GADL1: variants seen among roughly 807,000 people sequenced by gnomAD.
The protein encoded by GADL1 is acidic amino acid decarboxylase GADL1.
Under a neutral mutation model 69.5 loss-of-function variants are expected in GADL1, and 71 were observed. The ratio of observed to expected loss-of-function variants is 1.02; its 90% CI spans 0.84 to 1.25. The LOEUF is 1.25. Among genes scored for constraint, GADL1 ranks in the 50% most tolerant of loss-of-function variants. The probability of loss-of-function intolerance (pLI) is 0.00; values close to 1 mark genes in which losing one functional copy is unlikely to be tolerated. For missense variants in GADL1, 737 were observed against 631.8 expected (o/e 1.17, Z -1.79); for synonymous variants, 254 against 214.4 (o/e 1.18, Z -1.62).
At chr3:30,754,048 T>C (rs989746643) in intron 14 of GADL1, among the ~76,000 whole-genome samples, 23 of 152,220 alleles carry the variant, frequency 1.5e-4, no homozygotes, top group Admixed American at 1.3e-3. Flanking sequence ...TTCTATATTT[T>C]CCACCTTCAA....
chr3:30,765,932 C>T (rs1485846136), intron 14 of GADL1, among the ~76,000 whole-genome samples: 9 of 142,044 alleles, frequency 6.3e-5, no homozygotes, highest in East Asian at 6.1e-4. Flanking sequence ...GCTTTATTAT[C>T]GTAACTGGCA....
chr3:30,761,447 G>A (rs2125485392), intron 14 of GADL1, among the ~76,000 whole-genome samples: 1 of 150,858 alleles, frequency 6.6e-6, no homozygotes, highest in South Asian at 2.1e-4. Context: ...CATTTTCGCA[G>A]TCAATTAACT....
At chr3:30,869,276 T>C (rs935201452) in intron 1 of GADL1, among the ~76,000 whole-genome samples, 17 of 151,954 alleles carry the variant, frequency 1.1e-4, no homozygotes, top group African/African-American at 3.9e-4. Flanking sequence ...GCCTCATAGA[T>C]TGTTTGCCAC....
At position 30,876,890 on chromosome 3, in the gene GADL1, T is replaced by C. The variant is rs150689953; in HGVS notation, c.38-15125A>G. Among the ~76,000 whole-genome samples the C allele has an allele frequency of 6.8e-4, 103 of 151,996 alleles. 1 individual carries two copies. Among genetic ancestry groups the C allele is most frequent in the African/African-American group, 2.4e-3 (99 of 41,530 alleles). On this transcript the variant is annotated intron_variant, in intron 1 of 14. Coordinates refer to ENST00000282538, the MANE Select transcript of GADL1 (RefSeq NM_207359.3). The stretch of plus-strand genomic sequence containing the variant: ...AGCTTTAGTTACCCACAGTGAGAAA[T>C]ACCTTACTTTATTATGCATCCTCTA...
At position 30,856,896 on chromosome 3, in the gene GADL1, C is replaced by T. The variant is rs755305373; in HGVS notation, c.337+119G>A. On this transcript the variant is annotated intron_variant, in intron 3 of 14. Coordinates refer to ENST00000282538, the MANE Select transcript of GADL1 (RefSeq NM_207359.3). ...GACCATTGCAAAAACATCAGAACTA[C>T]TAATTTTTTGATCCAGATTTCTCGT... The T allele has an allele frequency of 5.1e-6, 4 of 783,960 alleles. No individual in the cohort carries two copies. In the Admixed American group the frequency reaches 1.2e-4, roughly 23 times the overall value. The allele number at this position is 783,960 out of a possible 1,614,324, so 48.6% of individuals were successfully genotyped here.
chr3:30,874,182 A>C (rs771484426), intron 1 of GADL1, among the ~76,000 whole-genome samples: 1 of 151,922 alleles, frequency 6.6e-6, no homozygotes, highest in Non-Finnish European at 1.5e-5. Flanking sequence ...TTTATGCCAC[A>C]CAGATTCAGC....
chr3:30,728,463 G>A, intron 14 of GADL1, 48 bp from the exon 15 acceptor site: 1 of 1,488,724 alleles, frequency 6.7e-7, no homozygotes, highest in South Asian at 1.1e-5. Flanking sequence ...GAACATCAAG[G>A]CATTTCAATA....
intron 12 of GADL1, among the ~76,000 whole-genome samples, chr3:30,792,105 A>AT (rs1366069607): frequency 1.3e-5 from 2 of 152,168 alleles, no homozygotes; most frequent in Admixed American, 6.5e-5. Flanking sequence ...AGTAGAGGTG[A>AT]TTTTGAGGCA....
intron 1 of GADL1, among the ~76,000 whole-genome samples, chr3:30,889,084 T>TATAAAAA (rs1698748582): frequency 1.2e-4 from 4 of 32,914 alleles, no homozygotes; most frequent in Non-Finnish European, 1.3e-4. Context: ...CGGTAATCTA[T>TATAAAAA]AAAAAAAAAA....
chr3:30,808,807 T>TC (rs1393182124), intron 11 of GADL1, among the ~76,000 whole-genome samples: 4 of 152,198 alleles, frequency 2.6e-5, no homozygotes, highest in Non-Finnish European at 5.9e-5. Flanking sequence ...TTATAAATAT[T>TC]CCCTCTTTCT....
rs188409299 is a variant in GADL1 at position 30,840,172 on chromosome 3, C to T, written c.787-1059G>A. Among the ~76,000 whole-genome samples, 3 of 152,252 alleles carry T rather than the reference C, an allele frequency of 2.0e-5. No individual in the cohort carries two copies. In the East Asian group the frequency reaches 5.8e-4, roughly 29 times the overall value. ...TTTTTCCCCTCAGTTTTATAAAGTGCATGCTCATTGCAATACATTTTTATG... is the reference window on the plus strand; with the variant it reads ...TTTTTCCCCTCAGTTTTATAAAGTGTATGCTCATTGCAATACATTTTTATG... On this transcript the variant is annotated intron_variant, in intron 8 of 14. Coordinates refer to ENST00000282538, the MANE Select transcript of GADL1 (RefSeq NM_207359.3).
At chr3:30,874,776 C>T (rs1428687466) in intron 1 of GADL1, among the ~76,000 whole-genome samples, 1 of 151,918 alleles carries the variant, frequency 6.6e-6, no homozygotes, top group African/African-American at 2.4e-5. Flanking sequence ...AACAACAACT[C>T]TTTGAAAATA....
At chr3:30,790,603 C>A (rs965813100) in intron 12 of GADL1, among the ~76,000 whole-genome samples, 1 of 152,040 alleles carries the variant, frequency 6.6e-6, no homozygotes, top group African/African-American at 2.4e-5. Flanking sequence ...TGACAACATC[C>A]AGTGGTGGTA....
At chr3:30,868,318 A>C (rs932854407) in intron 1 of GADL1, among the ~76,000 whole-genome samples, 1 of 152,058 alleles carries the variant, frequency 6.6e-6, no homozygotes, top group Non-Finnish European at 1.5e-5. Context: ...TTATAAAATG[A>C]GGCATCTCAC....
chr3:30,834,703 GTAGA>G (rs1697845879), intron 9 of GADL1, among the ~76,000 whole-genome samples: 1 of 152,080 alleles, frequency 6.6e-6, no homozygotes, highest in African/African-American at 2.4e-5. Flanking sequence ...TATTGACAAG[GTAGA>G]TAGAAGGCCA....
At chr3:30,775,829 G>T (rs1696524217) in intron 14 of GADL1, among the ~76,000 whole-genome samples, 1 of 152,168 alleles carries the variant, frequency 6.6e-6, no homozygotes, top group Non-Finnish European at 1.5e-5. Flanking sequence ...GGGTGCGGTG[G>T]CTCACGCCTG....
chr3:30,857,825 C>T (rs1698253809), intron 2 of GADL1, among the ~76,000 whole-genome samples: 1 of 151,960 alleles, frequency 6.6e-6, no homozygotes, highest in Non-Finnish European at 1.5e-5. Flanking sequence ...GCTAACTCTG[C>T]TCTTGACACC....
At chr3:30,855,696 T>C (rs1698219602) in intron 3 of GADL1, among the ~76,000 whole-genome samples, 1 of 152,026 alleles carries the variant, frequency 6.6e-6, no homozygotes, top group South Asian at 2.1e-4. Flanking sequence ...CTAACTGGCT[T>C]GGCATTCTCA....
intron 8 of GADL1, among the ~76,000 whole-genome samples, chr3:30,841,789 G>A (rs547847684): frequency 9.2e-5 from 14 of 152,202 alleles, no homozygotes; most frequent in African/African-American, 3.4e-4. Flanking sequence ...GACGATACCA[G>A]ACCCCACCAA....
Sources: gnomAD v4.1 joint callset for allele counts (sites outside exome capture counted in the v4.1 genomes callset) on GRCh38, gnomAD v4.1.1 for gene constraint, MANE v1.5 for transcripts, NCBI Gene and HGNC (gene_info 2026-07-23, HGNC 2026-07-21) for gene names.